The following SERF2 variants were observed in gnomAD, a reference collection of about 807,000 sequenced individuals.
SERF2 encodes the protein gastric cancer-related protein VRG107.
In SERF2, 4 loss-of-function variants were observed where a neutral mutation model predicts 10.7. The ratio of observed to expected loss-of-function variants is 0.37; its 90% CI spans 0.18 to 0.86. SERF2 has a LOEUF of 0.86. Ranked by LOEUF, SERF2 falls within the 40% of genes least tolerant of loss-of-function variation. SERF2 has a pLI of 0.43. For missense variants in SERF2, 47 were observed against 79.1 expected (o/e 0.59, Z 1.54); for synonymous variants, 26 against 26.0 (o/e 1.00, Z 0.01).
upstream of SERF2, among the ~76,000 whole-genome samples, chr15:43,791,272 C>G (rs1245580147): frequency 6.7e-6 from 1 of 150,060 alleles, no homozygotes; most frequent in African/African-American, 2.5e-5. Flanking sequence ...GACGGGATCT[C>G]GCACTGTCGC....
Position 43,794,999 on chromosome 15 carries a change from C to A in SERF2, c.*1226C>A. On this transcript the variant is annotated 3_prime_UTR_variant, in exon 3 of 3. Transcript: ENST00000249786. ...GGGGAACCCCAGTTTGTGAAAAGGA[C>A]TTAGACTGGAGGATATTTGTTATCT... 6.2e-7 allele frequency: 1 copy of A among 1,608,132 alleles called. No individual in the cohort carries two copies. Among genetic ancestry groups the A allele is most frequent in the Non-Finnish European group, 8.5e-7 (1 of 1,177,976 alleles).
intron 1 of SERF2, among the ~76,000 whole-genome samples, chr15:43,778,891 C>T (rs2086944334): frequency 6.6e-6 from 1 of 152,088 alleles, no homozygotes. Flanking sequence ...TGGAGTGAGA[C>T]TCCATCTCAA....
At chr15:43,783,137 A>G (rs967929407) in intron 1 of SERF2, among the ~76,000 whole-genome samples, 1 of 151,764 alleles carries the variant, frequency 6.6e-6, no homozygotes, top group African/African-American at 2.4e-5. Context: ...CCTCCCGAGT[A>G]GCTGGGATTA....
intron 1 of SERF2, chr15:43,792,635 G>A: frequency 1.4e-6 from 2 of 1,414,542 alleles, no homozygotes; most frequent in East Asian, 2.5e-5. Context: ...CAGCGCCCCT[G>A]TGATAGGCCC....
intron 1 of SERF2, 123 bp from the exon 2 acceptor site, chr15:43,792,852 C>A: frequency 1.3e-6 from 1 of 757,362 alleles, no homozygotes; most frequent in Non-Finnish European, 2.2e-6. Flanking sequence ...CTCGATGGGC[C>A]GTTGTCGGGG....
intron 1 of SERF2, chr15:43,792,631 C>T: frequency 7.0e-7 from 1 of 1,420,814 alleles, no homozygotes; most frequent in Non-Finnish European, 9.2e-7. Flanking sequence ...AGGCCAGCGC[C>T]CCTGTGATAG....
At chr15:43,792,671 C>G in intron 1 of SERF2, 3 of 1,317,746 alleles carry the variant, frequency 2.3e-6, no homozygotes, top group Non-Finnish European at 3.0e-6. Flanking sequence ...CAAGCCAGCC[C>G]ATCCCCCACG....
chr15:43,789,255 A>G (rs2087033480), upstream of SERF2, among the ~76,000 whole-genome samples: 1 of 151,746 alleles, frequency 6.6e-6, no homozygotes, highest in Admixed American at 6.6e-5. Flanking sequence ...TCACAACCCT[A>G]CCTCCCTATC....
In SERF2 at chr15:43,795,497, G is replaced by A; in HGVS notation, c.*1724G>A. Reference sequence around the variant, plus strand: ...TGCTGGACTTGGACTGGAGGAGCTGGAGGGGTTTCTTGGTCAGCTGGCCTC... The same window carrying A: ...TGCTGGACTTGGACTGGAGGAGCTGAAGGGGTTTCTTGGTCAGCTGGCCTC... On this transcript the variant is annotated 3_prime_UTR_variant, in exon 3 of 3. Coordinates refer to ENST00000249786, the MANE Select transcript of SERF2 (RefSeq NM_001018108.4). 1 of 1,614,216 alleles carries A rather than the reference G, an allele frequency of 6.2e-7. No homozygotes were observed. The highest frequency in any genetic ancestry group is 1.7e-4 in the Middle Eastern group (1 of 6,058).
Position 43,793,830 on chromosome 15 carries a change from C to G in SERF2, c.*57C>G, listed in dbSNP as rs770557996. The G allele has an allele frequency of 1.2e-6, 2 of 1,613,648 alleles. No individual in the cohort carries two copies. Among genetic ancestry groups the G allele is most frequent in the African/African-American group, 2.7e-5 (2 of 74,730 alleles). On this transcript the variant is annotated 3_prime_UTR_variant, in exon 3 of 3. Coordinates refer to ENST00000249786, the MANE Select transcript of SERF2 (RefSeq NM_001018108.4). ...TTCGCCTGTGTGCCTGGAGCCAGTC[C>G]CACCACGCTCGCGTTTCCTCCTGTA...
chr15:43,795,709 C>G lies in SERF2; in HGVS notation c.*1936C>G. 6.2e-7 allele frequency: 1 copy of G among 1,614,092 alleles called. No individual in the cohort carries two copies. Among genetic ancestry groups the G allele is most frequent in the Non-Finnish European group, 8.5e-7 (1 of 1,179,996 alleles). ...TCACCTTTGTCTGCCTCCACTGTTT[C>G]AGGGCAGCAGAAACACAGTGAGGGC... On this transcript the variant is annotated 3_prime_UTR_variant, in exon 3 of 3. Transcript: ENST00000249786.
chr15:43,793,926 C>A lies in SERF2; in HGVS notation c.*153C>A. 1 of 1,563,806 alleles carries A rather than the reference C, an allele frequency of 6.4e-7. No individual in the cohort carries two copies. Among genetic ancestry groups the A allele is most frequent in the South Asian group, 1.2e-5 (1 of 86,462 alleles). On this transcript the variant is annotated 3_prime_UTR_variant, in exon 3 of 3. Transcript: ENST00000249786. ...CTGCAGCGGGTCCCTTTTGTGCTTCCTTCCCCTCAGGTAGCCTCTCTCCCC... is the reference window on the plus strand; with the variant it reads ...CTGCAGCGGGTCCCTTTTGTGCTTCATTCCCCTCAGGTAGCCTCTCTCCCC...
Position 43,794,853 on chromosome 15 carries a change from C to T in SERF2, c.*1080C>T, listed in dbSNP as rs1453281093. On this transcript the variant is annotated 3_prime_UTR_variant, in exon 3 of 3. Coordinates refer to ENST00000249786, the MANE Select transcript of SERF2 (RefSeq NM_001018108.4). ...GCCCAGCACATTAGACTGTGTTTGA[C>T]CACTTCTTCCAGTTCATAGTATTGA... The T allele has an allele frequency of 1.4e-5, 9 of 657,076 alleles. No individual in the cohort carries two copies. The highest frequency in any genetic ancestry group is 2.1e-5 in the Non-Finnish European group (8 of 378,848). 40.7% of individuals were successfully genotyped at this position (657,076 alleles called of 1,614,324 possible).
At position 43,794,957 on chromosome 15, in the gene SERF2, C is replaced by CTA. The variant is rs754998121; in HGVS notation, c.*1185_*1186dup. ...CTGGACAGCTCCCCTTGAGCCAACT[C>CTA]TAGGAGTACAATGTCAGGGGAACCC... is the stretch of plus-strand genomic sequence containing the variant. On this transcript the variant is annotated 3_prime_UTR_variant, in exon 3 of 3. Transcript: ENST00000249786. The CTA allele has an allele frequency of 5.9e-6, 9 of 1,514,566 alleles. No individual in the cohort carries two copies. In the African/African-American group the frequency reaches 1.2e-4, roughly 21 times the overall value. 93.8% of individuals were successfully genotyped at this position (1,514,566 alleles called of 1,614,324 possible). A position where few individuals can be genotyped will look rare whatever the true frequency, so the allele number is the denominator to read the frequency against.
rs1375437480 is a variant in SERF2, at chr15:43,777,159, T to TC, written c.-869dup. 5 of 663,670 alleles carry TC rather than the reference T, an allele frequency of 7.5e-6. No homozygotes were observed. In the African/African-American group the frequency reaches 8.9e-5, roughly 12 times the overall value. 41.1% of individuals were successfully genotyped at this position (663,670 alleles called of 1,614,324 possible). On this transcript the variant is annotated 5_prime_UTR_variant, in exon 1 of 5. Coordinates refer to the SERF2 transcript ENST00000381359. ...GATCCGCATGAATCGCTTTGGGCTA[T>TC]CGGAAGAGCTATCCCCAGTTCTCGG...
At chr15:43,782,689 A>G (rs1037917432) in intron 1 of SERF2, among the ~76,000 whole-genome samples, 2 of 152,034 alleles carry the variant, frequency 1.3e-5, no homozygotes, top group African/African-American at 2.4e-5. Context: ...CTCCTGTGTC[A>G]GATACACTTT....
chr15:43,777,596 G>A, intron 1 of SERF2: 1 of 172,872 alleles, frequency 5.8e-6, no homozygotes, highest in Non-Finnish European at 1.3e-5. Context: ...ACGGGCGCGG[G>A]TAGTGGCAGG....
chr15:43,793,416 T>A lies in SERF2; in HGVS notation c.117-294T>A, dbSNP rs560098489. Reference sequence around the variant, plus strand: ...GGCCCTCCTTGCTGTTCGGTTCTCCTCCCTTCTCCCAACCTCCTCACTGGT... The same window carrying A: ...GGCCCTCCTTGCTGTTCGGTTCTCCACCCTTCTCCCAACCTCCTCACTGGT... On this transcript the variant is annotated intron_variant, in intron 2 of 2. Coordinates refer to ENST00000249786, the MANE Select transcript of SERF2 (RefSeq NM_001018108.4). 1.7e-4 allele frequency: 119 copies of A among 706,270 alleles called. 1 individual carries two copies. The East Asian group carries it at 3.3e-3, about 19-fold the overall frequency. The allele number at this position is 706,270 out of a possible 1,614,324, so 43.8% of individuals were successfully genotyped here. A position where few individuals can be genotyped will look rare whatever the true frequency, so the allele number is the denominator to read the frequency against.
chr15:43,786,915 A>T (rs2087011879), intron 2 of SERF2, among the ~76,000 whole-genome samples: 1 of 152,172 alleles, frequency 6.6e-6, no homozygotes, highest in Middle Eastern at 3.2e-3. Context: ...TGATCAGGCT[A>T]ATTTAGGCCA....
Sources: allele counts gnomAD v4.1 joint callset (sites outside exome capture counted in the v4.1 genomes callset), GRCh38; gene constraint gnomAD v4.1.1; transcripts MANE v1.5; gene names NCBI Gene and HGNC (gene_info 2026-07-23, HGNC 2026-07-21).